The following THOC1 variants were observed in gnomAD, a reference collection of about 807,000 sequenced individuals.
The protein encoded by THOC1 is THO complex 1.
In THOC1, 29 loss-of-function variants were observed where a neutral mutation model predicts 97.3. The observed-to-expected ratio is 0.30, with a 90% confidence interval of 0.22 to 0.41. THOC1 has a LOEUF of 0.41. THOC1 is among the 10% of genes least tolerant of loss of function. The pLI is 1.00. For synonymous variants in THOC1, 255 were observed against 257.0 expected (o/e 0.99, Z 0.07); for missense variants, 529 against 761.9 (o/e 0.69, Z 3.60).
chr18:221,380 A>G (rs1020290643), intron 17 of THOC1, among the ~76,000 whole-genome samples: 9 of 152,210 alleles, frequency 5.9e-5, no homozygotes, highest in African/African-American at 1.9e-4. Flanking sequence ...TTGAGAACAC[A>G]TTCTTAGAAA....
rs140909951 is a variant in THOC1 at position 220,564 on chromosome 18, T to A, written c.1371-1595A>T. Among the ~76,000 whole-genome samples the A allele has an allele frequency of 2.8e-3, 432 of 152,348 alleles. 3 individuals are homozygous for A. The highest frequency in any genetic ancestry group is 0.01 in the African/African-American group (417 of 41,592). ...AAATTATTTTTATCCATAATTCTTA[T>A]AAAATCTGGGTATTTTTAAATTACT... is the stretch of plus-strand genomic sequence containing the variant. On this transcript the variant is annotated intron_variant, in intron 17 of 20. Transcript: ENST00000261600.
intron 7 of THOC1, among the ~76,000 whole-genome samples, chr18:257,785 T>TAA (rs34133945): frequency 6.7e-6 from 1 of 149,060 alleles, no homozygotes; most frequent in Non-Finnish European, 1.5e-5. Context: ...TTTAGAAAAC[T>TAA]AAAAAAAACA....
chr18:232,291 T>C (rs1369577729), intron 11 of THOC1, among the ~76,000 whole-genome samples: 1 of 151,992 alleles, frequency 6.6e-6, no homozygotes, highest in Non-Finnish European at 1.5e-5. Flanking sequence ...GAGATGGGGG[T>C]ATCACTTTGT....
rs1188896388 is a variant in THOC1 at position 221,636 on chromosome 18, T to C, written c.1370+1804A>G. ...TTTTTTTTTTTTTTTTGAGACGGAG[T>C]CTCGCTCTGTCGCCCAGGCTGGAGT... On this transcript the variant is annotated intron_variant, in intron 17 of 20. Coordinates refer to ENST00000261600, the MANE Select transcript of THOC1 (RefSeq NM_005131.3). Among the ~76,000 whole-genome samples the C allele has an allele frequency of 2.3e-4, 30 of 130,118 alleles. No homozygotes were observed. The South Asian group carries it at 7.3e-3, about 31-fold the overall frequency. The allele number at this position is 130,118 out of a possible 152,430, so 85.4% of individuals were successfully genotyped here. A position where few individuals can be genotyped will look rare whatever the true frequency, so the allele number is the denominator to read the frequency against.
At chr18:221,290 TAG>T in intron 17 of THOC1, among the ~76,000 whole-genome samples, 1 of 152,276 alleles carries the variant, frequency 6.6e-6, no homozygotes, top group East Asian at 1.9e-4. Flanking sequence ...AAAATCCTAC[TAG>T]ATGGTAGGTT....
chr18:254,413 A>G lies in THOC1; in HGVS notation c.521-58T>C, dbSNP rs1912375132. On this transcript the variant is annotated intron_variant, in intron 7 of 20. Transcript: ENST00000261600. The surrounding 1 kb of genome is among the most constrained non-coding windows in gnomAD (Gnocchi z 4.1). ...AGTCCAGTGACACCTAAACTTATGT[A>G]TAACTTGTGTCATAATCAAAACTAC... 1 of 1,058,244 alleles carries G rather than the reference A, an allele frequency of 9.4e-7. No individual in the cohort carries two copies. Among genetic ancestry groups the G allele is most frequent in the South Asian group, 1.4e-5 (1 of 73,664 alleles). The allele number at this position is 1,058,244 out of a possible 1,614,324, so 65.6% of individuals were successfully genotyped here. A position where few individuals can be genotyped will look rare whatever the true frequency, so the allele number is the denominator to read the frequency against.
chr18:214,828 T>C lies in THOC1; in HGVS notation c.1772A>G (p.Tyr591Cys), dbSNP rs1772764054. ...LGEQWKILAPYLEMKDSEIRQ... is the reference protein window; with the variant it reads ...LGEQWKILAPCLEMKDSEIRQ... ...AATTTCTGAGTCTTTCATTTCCAAG[T>C]AGGGAGCCAGAATCTTCCATTGTTC... Residue 591 changes from tyrosine to cysteine, a missense_variant, in exon 21 of 21, where the codon TAC becomes TGC. Transcript: ENST00000261600. The C allele has an allele frequency of 2.5e-6, 4 of 1,613,798 alleles. 1 individual carries two copies. The South Asian group carries it at 4.4e-5, about 18-fold the overall frequency.
chr18:236,279 C>CT (rs1480896286), intron 11 of THOC1, among the ~76,000 whole-genome samples: 6 of 150,344 alleles, frequency 4.0e-5, no homozygotes, highest in Non-Finnish European at 5.9e-5. Flanking sequence ...CTTAGGTCTG[C>CT]TTTTTTCCTT....
At chr18:217,866 G>A (rs543184) in intron 18 of THOC1, among the ~76,000 whole-genome samples, 26,953 of 152,142 alleles carry the variant, frequency 0.18, 2,657 homozygotes, top group Non-Finnish European at 0.23. Flanking sequence ...AGGACCAAGA[G>A]GCCTGCTGTG....
chr18:255,194 G>T (rs142827149), intron 7 of THOC1, among the ~76,000 whole-genome samples: 1 of 152,280 alleles, frequency 6.6e-6, no homozygotes, highest in Non-Finnish European at 1.5e-5. Context: ...GATTCTAAGT[G>T]TCAAGTAAAA....
rs34986100 is a variant in THOC1, at chr18:235,085, AT to A, written c.919-8185del. Among the ~76,000 whole-genome samples, 224 of 139,162 alleles carry A rather than the reference AT, an allele frequency of 1.6e-3. 1 individual carries two copies. The highest frequency in any genetic ancestry group is 4.0e-3 in the African/African-American group (152 of 38,086). The allele number at this position is 139,162 out of a possible 152,430, so 91.3% of individuals were successfully genotyped here. A position where few individuals can be genotyped will look rare whatever the true frequency, so the allele number is the denominator to read the frequency against. On this transcript the variant is annotated intron_variant, in intron 11 of 20. Coordinates refer to ENST00000261600, the MANE Select transcript of THOC1 (RefSeq NM_005131.3). ...TGGTTGTTCATTTATTTGGTTTTCT[AT>A]TTTTTTTTTTTTTTGAGAGTCTATT...
At chr18:263,874 C>A in intron 4 of THOC1, 152 bp downstream of exon 4, 1 of 603,202 alleles carries the variant, frequency 1.7e-6, no homozygotes, top group Non-Finnish European at 3.0e-6. Flanking sequence ...TGAACTAATT[C>A]AACTGGGACT....
chr18:252,437 T>C (rs1912307847), intron 9 of THOC1, 102 bp downstream of exon 9: 1 of 883,220 alleles, frequency 1.1e-6, no homozygotes. Context: ...AAATTTCTTA[T>C]AATTTCTTTC....
chr18:226,451 G>T, intron 12 of THOC1: 1 of 185,744 alleles, frequency 5.4e-6, no homozygotes. Context: ...TCCACACCTT[G>T]TGAGATATGT....
At chr18:256,615 T>G (rs1324025513) in intron 7 of THOC1, among the ~76,000 whole-genome samples, 1 of 152,236 alleles carries the variant, frequency 6.6e-6, no homozygotes, top group East Asian at 1.9e-4. Context: ...ATTTTATTTC[T>G]GAGACAGAGT....
At chr18:266,539 ATT>A (rs10644972) in intron 1 of THOC1, among the ~76,000 whole-genome samples, 9 of 136,108 alleles carry the variant, frequency 6.6e-5, no homozygotes, top group Admixed American at 1.5e-4. Flanking sequence ...GGCTAGTATG[ATT>A]TTTTTTTTTT....
chr18:233,390 C>A (rs1911559732), intron 11 of THOC1, among the ~76,000 whole-genome samples: 1 of 152,028 alleles, frequency 6.6e-6, no homozygotes, highest in Admixed American at 6.6e-5. Context: ...AGTTTGAGAC[C>A]AGCCTGACCA....
At chr18:245,466 A>C (rs1912057756) in intron 11 of THOC1, 1 of 152,266 alleles carries the variant, frequency 6.6e-6, no homozygotes, top group Non-Finnish European at 1.5e-5. Context: ...GAGCAAGCAG[A>C]TGGACACAAA....
chr18:234,572 C>T (rs534368025), intron 11 of THOC1, among the ~76,000 whole-genome samples: 11 of 151,936 alleles, frequency 7.2e-5, no homozygotes, highest in African/African-American at 1.9e-4. Context: ...TTTTCAGACA[C>T]GGTCTTGCTG....
Sources: allele counts gnomAD v4.1 joint callset (sites outside exome capture counted in the v4.1 genomes callset), GRCh38; gene constraint gnomAD v4.1.1; non-coding constraint Gnocchi (gnomAD v3.1); transcripts MANE v1.5; gene names NCBI Gene and HGNC (gene_info 2026-07-23, HGNC 2026-07-21).